SHPRH: variants seen among roughly 807,000 people sequenced by gnomAD.
SHPRH encodes E3 ubiquitin-protein ligase SHPRH.
Under a neutral mutation model 202.5 loss-of-function variants are expected in SHPRH, and 106 were observed. The ratio of observed to expected loss-of-function variants is 0.52; its 90% CI spans 0.45 to 0.62. SHPRH has a LOEUF of 0.62. SHPRH is among the 20% of genes least tolerant of loss of function. The pLI is 0.00. For synonymous variants in SHPRH, 729 were observed against 686.0 expected (o/e 1.06, Z -0.98); for missense variants, 1,710 against 2,020.0 (o/e 0.85, Z 2.94).
chr6:145,954,612 C>A, intron 2 of SHPRH, 78 bp downstream of exon 2: 1 of 1,455,062 alleles, frequency 6.9e-7, no homozygotes, highest in Non-Finnish European at 9.2e-7. Flanking sequence ...GCTTTTCAGA[C>A]TTCTCTCACA....
intron 14 of SHPRH, among the ~76,000 whole-genome samples, chr6:145,929,244 C>T (rs554582583): frequency 6.6e-6 from 1 of 151,960 alleles, no homozygotes; most frequent in Admixed American, 6.6e-5. Context: ...CTTGATGGCG[C>T]TAACATTTCT....
At chr6:145,864,353 C>A (rs1218109864) in exon 3 of SHPRH, 4 of 414,062 alleles carry the variant, frequency 9.7e-6, no homozygotes, top group East Asian at 7.3e-5. Context: ...AAAAACAAAT[C>A]AAAAAATTTT....
chr6:145,870,101 G>A (rs906345001), intron 2 of SHPRH, among the ~76,000 whole-genome samples: 4 of 151,208 alleles, frequency 2.6e-5, no homozygotes, highest in Non-Finnish European at 5.9e-5. Flanking sequence ...ATTTTTGGGG[G>A]GTGCTAAAGT....
intron 14 of SHPRH, among the ~76,000 whole-genome samples, chr6:145,931,589 G>A (rs1390891254): frequency 6.6e-6 from 1 of 152,108 alleles, no homozygotes; most frequent in Non-Finnish European, 1.5e-5. Flanking sequence ...GCCTGCCTCG[G>A]CTTCCCAAAG....
chr6:145,860,579 C>T (rs942911561), downstream of SHPRH, among the ~76,000 whole-genome samples: 24 of 151,982 alleles, frequency 1.6e-4, no homozygotes, highest in African/African-American at 5.3e-4. Context: ...CTTCCCCAAA[C>T]AATCTACAGA....
At chr6:145,924,643 T>C (rs976277424) in intron 17 of SHPRH, 96 bp downstream of exon 17, 2 of 959,880 alleles carry the variant, frequency 2.1e-6, no homozygotes, top group Non-Finnish European at 3.3e-6. Context: ...GATTTCAAAA[T>C]GTATAAGAAA....
intron 14 of SHPRH, 93 bp downstream of exon 14, chr6:145,932,964 T>TG: frequency 4.7e-5 from 54 of 1,150,220 alleles, no homozygotes; most frequent in South Asian, 8.1e-5. Flanking sequence ...GGGGGAAAAA[T>TG]CCCCCCCCCA....
chr6:145,881,839 G>T (rs1324164154), downstream of SHPRH, among the ~76,000 whole-genome samples: 3 of 152,064 alleles, frequency 2.0e-5, no homozygotes, highest in Non-Finnish European at 2.9e-5. Flanking sequence ...TTAAAAGGTG[G>T]TTTACTGTAA....
At chr6:145,883,827 G>C (rs916470070), downstream of SHPRH, 3 of 149,350 alleles carry the variant, frequency 2.0e-5, no homozygotes, top group Admixed American at 1.3e-4. Context: ...TTCCATTTTT[G>C]CATTTGTATG....
intron 23 of SHPRH, 81 bp from the exon 24 acceptor site, chr6:145,913,630 G>A (rs933107991): frequency 8.9e-7 from 1 of 1,127,962 alleles, no homozygotes; most frequent in Non-Finnish European, 1.3e-6. Flanking sequence ...CTCATTTATG[G>A]AAGTGAATAC....
chr6:145,940,651 A>C, intron 11 of SHPRH, 72 bp downstream of exon 11: 1 of 1,460,978 alleles, frequency 6.8e-7, no homozygotes. Flanking sequence ...AAGGTTAAGC[A>C]TAACAATACT....
At chr6:145,963,574 G>C (rs1220823718) in intron 1 of SHPRH, among the ~76,000 whole-genome samples, 157 bp downstream of exon 1, 1 of 152,178 alleles carries the variant, frequency 6.6e-6, no homozygotes, top group Non-Finnish European at 1.5e-5. Context: ...TTCTGAATTC[G>C]AATGTAATTA....
intron 21 of SHPRH, 22 bp from the exon 22 acceptor site, chr6:145,919,513 A>G (rs746843932): frequency 1.2e-6 from 2 of 1,610,588 alleles, no homozygotes; most frequent in East Asian, 4.5e-5. Flanking sequence ...GAAAAGACAA[A>G]CACAGTGGTA....
intron 11 of SHPRH, 41 bp downstream of exon 11, chr6:145,940,682 C>T: frequency 6.3e-7 from 1 of 1,596,410 alleles, no homozygotes; most frequent in Non-Finnish European, 8.6e-7. Context: ...AAAAATGAAG[C>T]TTTTCAAATG....
chr6:145,863,069 C>A (rs1351378184), downstream of SHPRH, among the ~76,000 whole-genome samples: 1 of 152,140 alleles, frequency 6.6e-6, no homozygotes, highest in African/African-American at 2.4e-5. Context: ...TATTGAACAA[C>A]AATTATGTAT....
Position 145,947,505 on chromosome 6 carries a change from G to A in SHPRH, c.1200C>T (p.Leu400=), listed in dbSNP as rs770145818. ...HTRQDVKQDA[L]TLPEGKVVNY... is the part of the protein sequence containing the mutation. ...TATACCCTCCTACCTCGGGAAGAGT[G>A]AGAGCATCTTGCTTGACATCTTGTC... Residue 400 remains leucine (L), a synonymous_variant, in exon 6 of 30, where the codon CTC becomes CTT. Coordinates refer to ENST00000275233, the MANE Select transcript of SHPRH (RefSeq NM_001042683.3). 89 of 1,612,614 alleles carry A rather than the reference G, an allele frequency of 5.5e-5. No homozygotes were observed. In the East Asian group the frequency reaches 1.7e-3, roughly 31 times the overall value.
intron 2 of SHPRH, among the ~76,000 whole-genome samples, chr6:145,876,234 G>C (rs1413613681): frequency 6.6e-6 from 1 of 151,210 alleles, no homozygotes; most frequent in East Asian, 2.0e-4. Context: ...CTTATGAGGA[G>C]TGGCGGTGTA....
At chr6:145,962,815 A>G (rs1333253312) in intron 1 of SHPRH, among the ~76,000 whole-genome samples, 6 of 152,224 alleles carry the variant, frequency 3.9e-5, no homozygotes, top group Non-Finnish European at 8.8e-5. Flanking sequence ...TTAATGACCC[A>G]GGGTTAACAT....
At chr6:145,886,825 C>T (rs761992942) in intron 29 of SHPRH, 38 bp from the exon 30 acceptor site, 3 of 1,591,126 alleles carry the variant, frequency 1.9e-6, no homozygotes, top group Middle Eastern at 1.7e-4. Flanking sequence ...CAGAAAGAAA[C>T]CCCAAGCCAT....
Sources: allele counts gnomAD v4.1 joint callset (sites outside exome capture counted in the v4.1 genomes callset), GRCh38; gene constraint gnomAD v4.1.1; transcripts MANE v1.5; gene names NCBI Gene and HGNC (gene_info 2026-07-23, HGNC 2026-07-21).